The following CNTROB variants were observed in gnomAD, a reference collection of about 807,000 sequenced individuals.
The protein encoded by CNTROB is centrobin.
Under a neutral mutation model 115.7 loss-of-function variants are expected in CNTROB, and 82 were observed. The ratio of observed to expected loss-of-function variants is 0.71; its 90% CI spans 0.59 to 0.85. CNTROB has a LOEUF of 0.85. Ranked by LOEUF, CNTROB falls within the 40% of genes least tolerant of loss-of-function variation. CNTROB has a pLI of 0.00. For missense variants in CNTROB, 1,014 were observed against 1,144.4 expected (o/e 0.89, Z 1.64); for synonymous variants, 439 against 456.4 (o/e 0.96, Z 0.49).
chr17:7,935,219 G>A, intron 4 of CNTROB, 74 bp downstream of exon 4: 2 of 1,602,810 alleles, frequency 1.2e-6, no homozygotes, highest in South Asian at 2.2e-5. Context: ...AAAGGGCTGA[G>A]GGGGCCTGGC....
rs773926867 is a variant in CNTROB at position 7,949,553 on chromosome 17, T to C, written c.*43T>C. 4.2e-4 allele frequency: 649 copies of C among 1,555,414 alleles called. No individual in the cohort carries two copies. Among genetic ancestry groups the C allele is most frequent in the Non-Finnish European group, 5.3e-4 (613 of 1,150,610 alleles). ...CCTCTTTGTTCTCTCATTGTTGTTA[T>C]TTTAATAAATGCTCATTAGTCTGTA... On this transcript the variant is annotated 3_prime_UTR_variant, in exon 19 of 19. Transcript: ENST00000563694.
intron 9 of CNTROB, among the ~76,000 whole-genome samples, chr17:7,941,037 G>A (rs763437034): frequency 6.6e-6 from 1 of 152,158 alleles, no homozygotes; most frequent in Non-Finnish European, 1.5e-5. Context: ...GTAGTTCGCC[G>A]ATCTCCAGAA....
At chr17:7,938,624 G>A (rs1464510842) in intron 7 of CNTROB, among the ~76,000 whole-genome samples, 1 of 152,188 alleles carries the variant, frequency 6.6e-6, no homozygotes, top group African/African-American at 2.4e-5. Flanking sequence ...GGCAGACCCT[G>A]TTATGATCTC....
chr17:7,936,424 T>C lies in CNTROB; in HGVS notation c.653T>C (p.Leu218Ser), dbSNP rs1488543242. 2 of 1,577,466 alleles carry C rather than the reference T, an allele frequency of 1.3e-6. No individual in the cohort carries two copies. The highest frequency in any genetic ancestry group is 1.7e-6 in the Non-Finnish European group (2 of 1,146,560). ...CGAGTGTTAGAGCTACAGCAACAATTAGCCGTGGCTGTGGCTGCCGACCGC... is the reference window on the plus strand; with the variant it reads ...CGAGTGTTAGAGCTACAGCAACAATCAGCCGTGGCTGTGGCTGCCGACCGC... Reference protein sequence around the residue: ...QTRVLELQQQLAVAVAADRKK... With the variant: ...QTRVLELQQQSAVAVAADRKK... The change falls in exon 5 of 19, where the codon TTA becomes TCA. Residue 218 changes from leucine (L) to serine (S), a missense_variant. Coordinates refer to ENST00000563694, the MANE Select transcript of CNTROB (RefSeq NM_053051.5).
Position 7,940,720 on chromosome 17 carries a change from G to C in CNTROB, c.1311+478G>C, listed in dbSNP as rs377220811. ...ACAGCACATGGCCTGGCACAGAATT[G>C]TACTCAAAAATTGTTTGTCAGATAT... is the stretch of plus-strand genomic sequence containing the variant. On this transcript the variant is annotated intron_variant, in intron 9 of 18. Transcript: ENST00000563694. Among the ~76,000 whole-genome samples the C allele has an allele frequency of 9.9e-5, 15 of 152,270 alleles. No homozygotes were observed. The East Asian group carries it at 1.2e-3, about 12-fold the overall frequency.
Position 7,949,550 on chromosome 17 carries a change from T to C in CNTROB, c.*40T>C. 1.3e-6 allele frequency: 2 copies of C among 1,559,454 alleles called. No individual in the cohort carries two copies. Among genetic ancestry groups the C allele is most frequent in the Non-Finnish European group, 1.7e-6 (2 of 1,153,034 alleles). ...TCTCCTCTTTGTTCTCTCATTGTTG[T>C]TATTTTAATAAATGCTCATTAGTCT... On this transcript the variant is annotated 3_prime_UTR_variant, in exon 19 of 19. Transcript: ENST00000563694.
Position 7,949,665 on chromosome 17 carries a change from T to C in CNTROB, c.*155T>C. The C allele has an allele frequency of 1.6e-6, 1 of 631,458 alleles. No individual in the cohort carries two copies. The highest frequency in any genetic ancestry group is 3.0e-5 in the South Asian group (1 of 33,500). 39.1% of individuals were successfully genotyped at this position (631,458 alleles called of 1,614,324 possible). A position where few individuals can be genotyped will look rare whatever the true frequency, so the allele number is the denominator to read the frequency against. ...AGAAACCACATTTGGTTGAGTACTTTTTTTATATGTTACATGTTTATATGT... is the reference window on the plus strand; with the variant it reads ...AGAAACCACATTTGGTTGAGTACTTCTTTTATATGTTACATGTTTATATGT... On this transcript the variant is annotated 3_prime_UTR_variant, in exon 19 of 19. Transcript: ENST00000563694.
intron 7 of CNTROB, among the ~76,000 whole-genome samples, chr17:7,937,684 T>C (rs887360207): frequency 1.3e-5 from 2 of 151,986 alleles, no homozygotes; most frequent in African/African-American, 4.8e-5. Flanking sequence ...ATGCCTGTAG[T>C]CCCAGCGACT....
chr17:7,939,849 C>A lies in CNTROB; in HGVS notation c.1164+100C>A. The stretch of plus-strand genomic sequence containing the variant: ...TTAGAATATGGGGGATACATATAGG[C>A]AGGAATGGAGAGTAGAGAGCCATGT... On this transcript the variant is annotated intron_variant, in intron 8 of 18. Transcript: ENST00000563694. This position sits in a 1 kb window ranked among gnomAD's most constrained non-coding sequence, Gnocchi z 4.4. 1.6e-6 allele frequency: 2 copies of A among 1,228,556 alleles called. No individual in the cohort carries two copies. Among genetic ancestry groups the A allele is most frequent in the Non-Finnish European group, 2.3e-6 (2 of 851,688 alleles). The allele number at this position is 1,228,556 out of a possible 1,614,324, so 76.1% of individuals were successfully genotyped here. A position where few individuals can be genotyped will look rare whatever the true frequency, so the allele number is the denominator to read the frequency against.
At position 7,944,627 on chromosome 17, in the gene CNTROB, C is replaced by T. The variant is rs1174405033; in HGVS notation, c.1723C>T (p.Pro575Ser). 6.2e-7 allele frequency: 1 copy of T among 1,609,618 alleles called. No homozygotes were observed. The highest frequency in any genetic ancestry group is 8.5e-7 in the Non-Finnish European group (1 of 1,177,184). ...NQLLSTTLPPPNPPAPPAGPS... is the reference protein window; with the variant it reads ...NQLLSTTLPPSNPPAPPAGPS... ...GCTGCTCAGCACCACTCTCCCGCCG[C>T]CCAACCCTCCAGTACGCCTTACCCC... is the stretch of plus-strand genomic sequence containing the variant. Residue 575 changes from proline (P) to serine (S), a missense_variant, in exon 12 of 19, where the codon CCC becomes TCC. Pro to Ser is a moderately conservative substitution (Grantham distance 74). Coordinates refer to ENST00000563694, the MANE Select transcript of CNTROB (RefSeq NM_053051.5). The surrounding 1 kb of genome is among the most constrained non-coding windows in gnomAD (Gnocchi z 4.0).
Position 7,947,963 on chromosome 17 carries a change from G to C in CNTROB, c.2193G>C (p.Leu731=). ...PQNNENPSVD[L]LPPKSGPLTV... is the part of the protein sequence containing the mutation. Reference sequence around the variant, plus strand: ...ACAATGAGAACCCTTCTGTCGACCTGTTGCCCCCTAAGTCTGGTGAGTTCC... The same window carrying C: ...ACAATGAGAACCCTTCTGTCGACCTCTTGCCCCCTAAGTCTGGTGAGTTCC... The change falls in exon 15 of 19, where the codon CTG becomes CTC. Residue 731 remains leucine, a synonymous_variant. Transcript: ENST00000563694. 1 of 1,613,960 alleles carries C rather than the reference G, an allele frequency of 6.2e-7. No individual in the cohort carries two copies. Among genetic ancestry groups the C allele is most frequent in the Non-Finnish European group, 8.5e-7 (1 of 1,179,886 alleles).
upstream of CNTROB, chr17:7,932,142 A>C (rs912145584): frequency 3.6e-5 from 14 of 386,498 alleles, no homozygotes; most frequent in African/African-American, 2.7e-4. Context: ...AAGTGATGTG[A>C]GTGTCTGCGA....
Position 7,933,267 on chromosome 17 carries a change from C to T in CNTROB, c.188C>T (p.Pro63Leu), listed in dbSNP as rs758286187. 8.1e-6 allele frequency: 13 copies of T among 1,614,118 alleles called. No homozygotes were observed. Among genetic ancestry groups the T allele is most frequent in the Admixed American group, 3.3e-5 (2 of 60,010 alleles). The change falls in exon 1 of 19, where the codon CCG becomes CTG. Residue 63 changes from proline (P) to leucine (L), a missense_variant. By Grantham distance (98) the Pro-to-Leu change is moderately conservative (BLOSUM62 -3). Coordinates refer to ENST00000563694, the MANE Select transcript of CNTROB (RefSeq NM_053051.5). Reference sequence around the variant, plus strand: ...CAGCTGTATTTACCCTCCACCTCCCCGCCTCATGAAGGGTTAGACGGCTTC... The same window carrying T: ...CAGCTGTATTTACCCTCCACCTCCCTGCCTCATGAAGGGTTAGACGGCTTC... ...RAQLYLPSTS[P>L]PHEGLDGFAQ...
Position 7,939,417 on chromosome 17 carries a change from A to G in CNTROB, c.928-96A>G. 9.7e-7 allele frequency: 1 copy of G among 1,033,642 alleles called. No individual in the cohort carries two copies. The highest frequency in any genetic ancestry group is 1.5e-6 in the Non-Finnish European group (1 of 679,248). 64.0% of individuals were successfully genotyped at this position (1,033,642 alleles called of 1,614,324 possible). ...CCTAATTATTGTGTTTTTAATGAGC[A>G]TAATTCTCAGCAGGCACCTTGTATG... On this transcript the variant is annotated intron_variant, in intron 7 of 18. Coordinates refer to ENST00000563694, the MANE Select transcript of CNTROB (RefSeq NM_053051.5). This position sits in a 1 kb window ranked among gnomAD's most constrained non-coding sequence, Gnocchi z 4.4.
chr17:7,944,044 C>T lies in CNTROB; in HGVS notation c.1446-79C>T. The T allele has an allele frequency of 9.4e-7, 1 of 1,065,038 alleles. No homozygotes were observed. Among genetic ancestry groups the T allele is most frequent in the Non-Finnish European group, 1.4e-6 (1 of 698,642 alleles). 66.0% of individuals were successfully genotyped at this position (1,065,038 alleles called of 1,614,324 possible). ...TGGCTATCTGGGTCACTGTCATGTG[C>T]ACACATGATGTCTTTTTCTCAGTTG... On this transcript the variant is annotated intron_variant, in intron 10 of 18. Transcript: ENST00000563694. The surrounding 1 kb of genome is among the most constrained non-coding windows in gnomAD (Gnocchi z 4.0).
rs891229284 is a variant in CNTROB, at chr17:7,943,419, T to C, written c.1340T>C (p.Leu447Pro). The change falls in exon 10 of 19, where the codon CTG becomes CCG. Residue 447 changes from leucine (L) to proline (P), a missense_variant. Physicochemically the swap from Leu to Pro is moderately conservative, Grantham distance 98. Coordinates refer to ENST00000563694, the MANE Select transcript of CNTROB (RefSeq NM_053051.5). The surrounding 1 kb of genome is among the most constrained non-coding windows in gnomAD (Gnocchi z 4.7). ...CGGTATGAAAGCCAGCGGATCCAGC[T>C]GGAGTCGGAGCTGGCTGTGCAGCTG... ...QARYESQRIQ[L>P]ESELAVQLEQ... is the part of the protein sequence containing the mutation. The C allele has an allele frequency of 1.9e-6, 3 of 1,613,692 alleles. No individual in the cohort carries two copies. Among genetic ancestry groups the C allele is most frequent in the Non-Finnish European group, 2.5e-6 (3 of 1,179,642 alleles).
At position 7,943,639 on chromosome 17, in the gene CNTROB, C is replaced by T. The variant is rs994600430; in HGVS notation, c.1445+115C>T. On this transcript the variant is annotated intron_variant, in intron 10 of 18. Coordinates refer to ENST00000563694, the MANE Select transcript of CNTROB (RefSeq NM_053051.5). The surrounding 1 kb of genome is among the most constrained non-coding windows in gnomAD (Gnocchi z 4.7). ...GTCCAGCACTGTGACTCCCAGGGTG[C>T]GCTAACTCCCATCAGCTGGGACCTG... is the stretch of plus-strand genomic sequence containing the variant. 16 of 1,126,480 alleles carry T rather than the reference C, an allele frequency of 1.4e-5. No individual in the cohort carries two copies. Among genetic ancestry groups the T allele is most frequent in the Admixed American group, 5.5e-5 (2 of 36,574 alleles). 69.8% of individuals were successfully genotyped at this position (1,126,480 alleles called of 1,614,324 possible).
intron 7 of CNTROB, among the ~76,000 whole-genome samples, chr17:7,938,032 G>A (rs113686467): frequency 0.012 from 1,736 of 141,898 alleles, 37 homozygotes; most frequent in African/African-American, 0.043. Flanking sequence ...AGACAGGGTC[G>A]CGCTCTGTTG....
rs539773545 is a variant in CNTROB, at chr17:7,932,844, C to T, written c.-236C>T. 7.1e-6 allele frequency: 4 copies of T among 562,424 alleles called. No individual in the cohort carries two copies. The allele number at this position is 562,424 out of a possible 1,614,324, so 34.8% of individuals were successfully genotyped here. On this transcript the variant is annotated 5_prime_UTR_variant, in exon 1 of 19. It adds an upstream start codon to the 5' untranslated region. Transcript: ENST00000563694. ...CCCGCTCTGCGCTGCACCCTCTTAACGCTGTTCCCAGGAGCTGGGGAAAGG... is the reference window on the plus strand; with the variant it reads ...CCCGCTCTGCGCTGCACCCTCTTAATGCTGTTCCCAGGAGCTGGGGAAAGG...
Sources: gnomAD v4.1 joint callset for allele counts (sites outside exome capture counted in the v4.1 genomes callset) on GRCh38, gnomAD v4.1.1 for gene constraint, Gnocchi (gnomAD v3.1) non-coding constraint, MANE v1.5 for transcripts, NCBI Gene and HGNC (gene_info 2026-07-23, HGNC 2026-07-21) for gene names.